The following AFG2A variants were observed in gnomAD, a reference collection of about 807,000 sequenced individuals.
AFG2A encodes the protein AAA ATPase AFG2A, also known as ATPase family gene 2 protein homolog A.
At chr4:123,174,240 A>G in the AFG2A span, among the ~76,000 whole-genome samples, 2 of 152,228 alleles carry the variant, frequency 1.3e-5, no homozygotes, top group Non-Finnish European at 2.9e-5. Context: ...TACAAAAAGT[A>G]TAATGCATTT....
the AFG2A span, among the ~76,000 whole-genome samples, chr4:123,114,725 G>C: frequency 6.6e-6 from 1 of 152,216 alleles, no homozygotes; most frequent in Non-Finnish European, 1.5e-5. Flanking sequence ...ACTCATAAGG[G>C]GCAGAGCTCC....
chr4:123,209,435 A>T, the AFG2A span, among the ~76,000 whole-genome samples: 115 of 152,140 alleles, frequency 7.6e-4, 2 homozygotes, highest in East Asian at 9.7e-3. Context: ...TTTTCAACTC[A>T]TATCCTCCCA....
At chr4:123,098,966 T>C in the AFG2A span, among the ~76,000 whole-genome samples, 1 of 151,974 alleles carries the variant, frequency 6.6e-6, no homozygotes, top group African/African-American at 2.4e-5. Flanking sequence ...TCTGAAGTAA[T>C]TTATGTTCCT....
At chr4:123,013,966 T>C in the AFG2A span, among the ~76,000 whole-genome samples, 1 of 152,342 alleles carries the variant, frequency 6.6e-6, no homozygotes, top group East Asian at 1.9e-4. Context: ...TAAACATTTT[T>C]ACTATTAAAA....
chr4:122,966,826 T>G, the AFG2A span, among the ~76,000 whole-genome samples: 2 of 152,192 alleles, frequency 1.3e-5, no homozygotes, highest in African/African-American at 2.4e-5. Context: ...TGTGAGAGAT[T>G]GATTTGCCTT....
the AFG2A span, among the ~76,000 whole-genome samples, chr4:123,005,435 G>A: frequency 5.3e-5 from 8 of 152,156 alleles, no homozygotes; most frequent in Non-Finnish European, 1.0e-4. Context: ...AATTACAGGT[G>A]TGAGCCACTG....
At chr4:123,103,623 AT>A in the AFG2A span, among the ~76,000 whole-genome samples, 31 of 152,250 alleles carry the variant, frequency 2.0e-4, no homozygotes, top group African/African-American at 7.5e-4. Context: ...TTAAATATAT[AT>A]TTAACATAGT....
chr4:122,987,693 C>G, the AFG2A span, among the ~76,000 whole-genome samples: 1 of 152,170 alleles, frequency 6.6e-6, no homozygotes, highest in East Asian at 1.9e-4. Flanking sequence ...CACACAGACT[C>G]TACTCTTTAA....
At chr4:123,151,165 C>A in the AFG2A span, among the ~76,000 whole-genome samples, 2 of 152,114 alleles carry the variant, frequency 1.3e-5, no homozygotes, top group Admixed American at 6.5e-5. Context: ...ACCATAAAGA[C>A]CCTAGAAGAA....
the AFG2A span, among the ~76,000 whole-genome samples, chr4:122,946,053 A>G: frequency 6.6e-6 from 1 of 152,198 alleles, no homozygotes. Context: ...GCTGGAGATG[A>G]TAGAGTTGTG....
chr4:123,173,856 C>A, the AFG2A span, among the ~76,000 whole-genome samples: 1 of 151,790 alleles, frequency 6.6e-6, no homozygotes, highest in African/African-American at 2.4e-5. Context: ...TAGAAGGAAA[C>A]TTTACAAACT....
the AFG2A span, among the ~76,000 whole-genome samples, chr4:123,027,126 T>C: frequency 5.9e-5 from 9 of 152,184 alleles, no homozygotes; most frequent in Non-Finnish European, 1.2e-4. Context: ...GGTGTGTTTT[T>C]TTTTCTGATA....
At chr4:122,964,617 A>C in the AFG2A span, among the ~76,000 whole-genome samples, 1 of 152,120 alleles carries the variant, frequency 6.6e-6, no homozygotes, top group Admixed American at 6.5e-5. Context: ...AGACTATGTG[A>C]TACATTTAAA....
At chr4:122,970,241 A>T in the AFG2A span, among the ~76,000 whole-genome samples, 1 of 152,026 alleles carries the variant, frequency 6.6e-6, no homozygotes, top group African/African-American at 2.4e-5. Flanking sequence ...TTCTTTTTCT[A>T]TGTTTAGATA....
chr4:123,115,604 A>G, the AFG2A span, among the ~76,000 whole-genome samples: 137,992 of 152,058 alleles, frequency 0.91, 62,854 homozygotes, highest in East Asian at 0.98. Context: ...CAGGTAGGTC[A>G]GCCCGGCCCC....
the AFG2A span, among the ~76,000 whole-genome samples, chr4:123,055,769 A>T: frequency 2.6e-5 from 4 of 152,194 alleles, no homozygotes; most frequent in Non-Finnish European, 5.9e-5. Flanking sequence ...TTCGGGATGT[A>T]TGAGGAACTG....
the AFG2A span, among the ~76,000 whole-genome samples, chr4:123,132,514 T>C: frequency 6.6e-6 from 1 of 151,508 alleles, no homozygotes; most frequent in East Asian, 2.0e-4. Flanking sequence ...TGTATACATA[T>C]ATGTACATTC....
chr4:123,048,213 G>C, the AFG2A span, among the ~76,000 whole-genome samples: 5 of 152,208 alleles, frequency 3.3e-5, no homozygotes, highest in South Asian at 4.2e-4. Context: ...TGTTTCATTG[G>C]TCTGTGTGCC....
chr4:123,113,684 G>C, the AFG2A span, among the ~76,000 whole-genome samples: 3 of 152,302 alleles, frequency 2.0e-5, no homozygotes, highest in South Asian at 4.1e-4. Flanking sequence ...GCCTGATTTT[G>C]TTATGGGATC....
Sources: allele counts gnomAD v4.1 joint callset (sites outside exome capture counted in the v4.1 genomes callset), GRCh38; gene constraint gnomAD v4.1.1; transcripts MANE v1.5; gene names NCBI Gene and HGNC (gene_info 2026-07-23, HGNC 2026-07-21).